Variants in GPBP1L1 observed in about 807,000 individuals in gnomAD.
The protein encoded by GPBP1L1 is vasculin-like protein 1.
A neutral mutation model predicts 52.5 loss-of-function variants in GPBP1L1; 23 were observed. The observed-to-expected ratio is 0.44, with a 90% confidence interval of 0.32 to 0.62. The LOEUF (loss-of-function observed/expected upper bound fraction) is 0.62, where lower values mean the gene tolerates loss of function less well. GPBP1L1 is among the 20% of genes least tolerant of loss of function. The pLI is 0.06. For missense variants in GPBP1L1, 596 were observed against 579.3 expected (o/e 1.03, Z -0.30); for synonymous variants, 243 against 203.1 (o/e 1.20, Z -1.67).
chr1:45,653,312 TCA>T (rs1644841053), intron 6 of GPBP1L1, among the ~76,000 whole-genome samples: 1 of 152,122 alleles, frequency 6.6e-6, no homozygotes, highest in African/African-American at 2.4e-5. Flanking sequence ...GGTGGGAAGA[TCA>T]CTTGAGGTCA....
chr1:45,656,953 T>C lies in GPBP1L1; in HGVS notation c.61-1634A>G, dbSNP rs542388979. 4.4e-4 allele frequency among the ~76,000 whole-genome samples: 67 copies of C among 152,292 alleles called. 1 individual carries two copies. Among genetic ancestry groups the C allele is most frequent in the African/African-American group, 1.5e-3 (63 of 41,570 alleles). ...CTTCTGCCTCAGCCTCTCAAAGTGC[T>C]GGGATTACAGGCATGAGCCACTGAG... On this transcript the variant is annotated intron_variant, in intron 4 of 12. Transcript: ENST00000355105.
intron 1 of GPBP1L1, 49 bp downstream of exon 1, chr1:45,686,363 G>C (rs1200290621): frequency 6.6e-6 from 1 of 152,588 alleles, no homozygotes; most frequent in Admixed American, 6.5e-5. Flanking sequence ...CCCCGCGCCA[G>C]AACGACTCCA....
At chr1:45,681,720 TA>T (rs1475573284) in intron 2 of GPBP1L1, among the ~76,000 whole-genome samples, 1 of 152,370 alleles carries the variant, frequency 6.6e-6, no homozygotes, top group East Asian at 1.9e-4. Context: ...GAGAAGGTAC[TA>T]TTATTGTTCC....
chr1:45,658,991 A>G (rs6671802), intron 4 of GPBP1L1, 37 bp downstream of exon 4: 738,687 of 1,387,930 alleles, frequency 0.53, 198,595 homozygotes, highest in Middle Eastern at 0.58. Context: ...AAACCCTCTC[A>G]TATTTGAGAA....
At chr1:45,633,161 A>G (rs1275120587) in intron 10 of GPBP1L1, among the ~76,000 whole-genome samples, 2 of 152,176 alleles carry the variant, frequency 1.3e-5, no homozygotes, top group Non-Finnish European at 2.9e-5. Context: ...GCTCCTTGGT[A>G]TTTACCCAAA....
intron 8 of GPBP1L1, among the ~76,000 whole-genome samples, chr1:45,636,970 T>G (rs913892087): frequency 1.4e-5 from 2 of 140,090 alleles, no homozygotes; most frequent in Admixed American, 7.3e-5. Flanking sequence ...ATTCTCTATA[T>G]CCCAGGATTA....
chr1:45,643,659 T>C (rs1410132884), intron 6 of GPBP1L1, among the ~76,000 whole-genome samples: 2 of 29,204 alleles, frequency 6.8e-5, no homozygotes, highest in African/African-American at 1.3e-4. Context: ...GGAGAATGGC[T>C]TTTTTTTTTT....
intron 6 of GPBP1L1, among the ~76,000 whole-genome samples, chr1:45,647,461 A>G (rs950916904): frequency 2.0e-5 from 3 of 152,200 alleles, no homozygotes; most frequent in African/African-American, 7.2e-5. Flanking sequence ...TGTGCTGGTT[A>G]CCGCTTCTTA....
At chr1:45,654,934 A>C in intron 5 of GPBP1L1, 105 bp from the exon 6 acceptor site, 1 of 1,114,762 alleles carries the variant, frequency 9.0e-7, no homozygotes, top group Non-Finnish European at 1.3e-6. Flanking sequence ...AAGTCCACAC[A>C]AAAAAAATAA....
chr1:45,654,833 G>T lies in GPBP1L1; in HGVS notation c.191-4C>A. 6.2e-7 allele frequency: 1 copy of T among 1,612,320 alleles called. No individual in the cohort carries two copies. Among genetic ancestry groups the T allele is most frequent in the South Asian group, 1.1e-5 (1 of 90,856 alleles). On this transcript the variant is annotated splice_polypyrimidine_tract_variant and splice_region_variant and intron_variant, in intron 5 of 12. Coordinates refer to ENST00000355105, the MANE Select transcript of GPBP1L1 (RefSeq NM_021639.5). ...AGGGAGGGCTGGTGCCAAGAATCTA[G>T]AATAGTAAAGAAAAGGACTAATTAG...
At chr1:45,648,093 C>T (rs890429136) in intron 6 of GPBP1L1, among the ~76,000 whole-genome samples, 2 of 152,034 alleles carry the variant, frequency 1.3e-5, no homozygotes, top group African/African-American at 2.4e-5. Context: ...AGGTACCCAC[C>T]ACGTCCAGCT....
intron 2 of GPBP1L1, among the ~76,000 whole-genome samples, chr1:45,661,880 C>A (rs1420312037): frequency 6.6e-6 from 1 of 152,136 alleles, no homozygotes; most frequent in African/African-American, 2.4e-5. Flanking sequence ...ATTTTTCTCT[C>A]ATAAATGGGA....
rs762997943 is a variant in GPBP1L1, at chr1:45,640,323, A to G, written c.631T>C (p.Ser211Pro). 3 of 1,614,010 alleles carry G rather than the reference A, an allele frequency of 1.9e-6. No homozygotes were observed. The South Asian group carries it at 3.3e-5, about 18-fold the overall frequency. ...VSKEDPAAAF[S>P]AAFTSPGSHH... Reference sequence around the variant, plus strand: ...GATCCTGGTGAGGTGAATGCAGCAGAGAAGGCAGCAGCAGGATCCTCTTTG... The same window carrying G: ...GATCCTGGTGAGGTGAATGCAGCAGGGAAGGCAGCAGCAGGATCCTCTTTG... The change falls in exon 8 of 13, where the codon TCT (serine) becomes CCT (proline). Residue 211 changes from serine to proline, a missense_variant. Coordinates refer to ENST00000355105, the MANE Select transcript of GPBP1L1 (RefSeq NM_021639.5).
At chr1:45,629,950 C>G (rs1002285048) in intron 11 of GPBP1L1, among the ~76,000 whole-genome samples, 3 of 149,858 alleles carry the variant, frequency 2.0e-5, no homozygotes, top group Admixed American at 2.0e-4. Flanking sequence ...CACTTGCAGT[C>G]TGGCTTTTTT....
At chr1:45,662,861 G>A (rs1644962497) in intron 2 of GPBP1L1, among the ~76,000 whole-genome samples, 3 of 152,044 alleles carry the variant, frequency 2.0e-5, no homozygotes, top group East Asian at 3.9e-4. Flanking sequence ...GACCAGCCTG[G>A]CCAACATGGT....
intron 6 of GPBP1L1, among the ~76,000 whole-genome samples, chr1:45,650,044 T>C (rs1023644970): frequency 1.3e-5 from 2 of 152,214 alleles, no homozygotes; most frequent in Non-Finnish European, 2.9e-5. Flanking sequence ...CAATGATAAA[T>C]ACAAGTGATA....
chr1:45,654,363 G>A (rs544376367), intron 6 of GPBP1L1, 180 bp downstream of exon 6: 13 of 542,886 alleles, frequency 2.4e-5, no homozygotes, highest in Non-Finnish European at 3.4e-5. Context: ...AGTTACATAG[G>A]AGTTTTGGTC....
At chr1:45,629,818 CA>C in intron 11 of GPBP1L1, 140 bp from the exon 12 acceptor site, 1 of 626,082 alleles carries the variant, frequency 1.6e-6, no homozygotes, top group East Asian at 2.7e-5. Flanking sequence ...CCCTGTGGGA[CA>C]AGCTTTAATT....
intron 2 of GPBP1L1, among the ~76,000 whole-genome samples, chr1:45,679,891 CAAAAAA>C (rs61208985): frequency 3.4e-5 from 3 of 88,206 alleles, no homozygotes; most frequent in East Asian, 3.6e-4. Flanking sequence ...CTTATCTATA[CAAAAAA>C]AAAAAAAAAA....
Sources: gnomAD v4.1 joint callset for allele counts (sites outside exome capture counted in the v4.1 genomes callset) on GRCh38, gnomAD v4.1.1 for gene constraint, MANE v1.5 for transcripts, NCBI Gene and HGNC (gene_info 2026-07-23, HGNC 2026-07-21) for gene names.